Variants in FAT1 observed in about 807,000 individuals in gnomAD.
FAT1 encodes the protein FAT atypical cadherin 1.
FAT1 carries 171 observed loss-of-function variants against 329.8 expected under a neutral mutation model. The ratio of observed to expected loss-of-function variants is 0.52; its 90% CI spans 0.46 to 0.59. The LOEUF is 0.59. Among genes scored for constraint, FAT1 ranks in the 20% least tolerant of loss-of-function variants. The probability of loss-of-function intolerance (pLI) is 0.00; values close to 1 mark genes in which losing one functional copy is unlikely to be tolerated. For missense variants in FAT1, 5,672 were observed against 5,774.4 expected, an observed-to-expected ratio of 0.98 and a Z score of 0.57; for synonymous variants, 2,233 against 2,228.6, an observed-to-expected ratio of 1.00 and a Z score of -0.06.
Position 186,596,559 on chromosome 4 carries a change from G to C in FAT1, c.12981C>G (p.Ser4327Arg), listed in dbSNP as rs933475016. 2.5e-6 allele frequency: 4 copies of C among 1,612,934 alleles called. No homozygotes were observed. Among genetic ancestry groups the C allele is most frequent in the Non-Finnish European group, 1.7e-6 (2 of 1,179,586 alleles). ...TCTTACTGTCATAGTCAAAGTCCCA[G>C]CTAGGCTTCTGGATGGAGTCGCTGT... is the stretch of plus-strand genomic sequence containing the variant. ...PSDSDSIQKP[S>R]WDFDYDTKVV... The change falls in exon 25 of 27, where the codon AGC becomes AGG. Residue 4327 changes from serine to arginine, a missense_variant. Ser to Arg is a moderately radical substitution (Grantham distance 110). Around this residue, in one of 2 missense-constraint regions of FAT1, gnomAD observed 1,706 missense variants for 1,859.1 expected, o/e 0.92. Transcript: ENST00000441802. The surrounding 1 kb of genome is among the most constrained non-coding windows in gnomAD (Gnocchi z 4.7).
At chr4:186,724,825 A>G (rs369472596), upstream of FAT1, among the ~76,000 whole-genome samples, 13 of 152,204 alleles carry the variant, frequency 8.5e-5, 1 homozygote, top group African/African-American at 3.1e-4. This position sits in a 1 kb window ranked among gnomAD's most constrained non-coding sequence, Gnocchi z 5.3. Context: ...TGTGGGACTC[A>G]GGCATTTTAA....
At chr4:186,669,957 C>T (rs1188869364) in intron 2 of FAT1, among the ~76,000 whole-genome samples, 1 of 152,194 alleles carries the variant, frequency 6.6e-6, no homozygotes, top group Non-Finnish European at 1.5e-5. Context: ...TCAGGAAAGG[C>T]CAGCATTCCC....
upstream of FAT1, among the ~76,000 whole-genome samples, chr4:186,726,053 G>C (rs1031789306): frequency 6.6e-6 from 1 of 152,228 alleles, no homozygotes; most frequent in Non-Finnish European, 1.5e-5. Flanking sequence ...CGGCCCCGAT[G>C]CGCCCTCCCT....
chr4:186,619,073 C>T lies in FAT1; in HGVS notation c.7513G>A (p.Ala2505Thr), dbSNP rs770932444. The T allele has an allele frequency of 5.0e-6, 8 of 1,613,966 alleles. No homozygotes were observed. Among genetic ancestry groups the T allele is most frequent in the South Asian group, 1.1e-5 (1 of 91,064 alleles). The change falls in exon 10 of 27, where the codon GCT becomes ACT. Residue 2505 changes from alanine (A) to threonine (T), a missense_variant. Transcript: ENST00000441802. ...NEYEVELAEN[A>T]PLHTLVMEVK... ...TCCATCACCAGGGTATGTAGGGGAG[C>T]GTTTTCAGCTAGTTCCACTTCATAT... is the stretch of plus-strand genomic sequence containing the variant.
intron 26 of FAT1, among the ~76,000 whole-genome samples, chr4:186,591,064 C>T (rs1738218478): frequency 6.6e-6 from 1 of 152,354 alleles, no homozygotes; most frequent in Non-Finnish European, 1.5e-5. Context: ...GGAAGTGTAA[C>T]CAAACGCATG....
In FAT1 at chr4:186,709,332, T is replaced by A. The variant is rs1172132616; in HGVS notation, c.496A>T (p.Thr166Ser). ...GTGGCGCTGACTCTTGCGATACTGGTCCTTATAGCTGTGTTTTCAGGTAAA... is the reference window on the plus strand; with the variant it reads ...GTGGCGCTGACTCTTGCGATACTGGACCTTATAGCTGTGTTTTCAGGTAAA... ...VSLPENTAIR[T>S]SIARVSATDA... The change falls in exon 2 of 27, where the codon ACC becomes TCC. Residue 166 changes from threonine to serine, a missense_variant. Around this residue, in one of 2 missense-constraint regions of FAT1, gnomAD observed 3,966 missense variants for 3,915.2 expected, o/e 1.01. Coordinates refer to ENST00000441802, the MANE Select transcript of FAT1 (RefSeq NM_005245.4). 1 of 1,613,896 alleles carries A rather than the reference T, an allele frequency of 6.2e-7. No individual in the cohort carries two copies. Among genetic ancestry groups the A allele is most frequent in the East Asian group, 2.2e-5 (1 of 44,884 alleles).
intron 2 of FAT1, among the ~76,000 whole-genome samples, chr4:186,671,765 C>T (rs1006259717): frequency 6.6e-6 from 1 of 151,946 alleles, no homozygotes. Context: ...TCTCATAAAT[C>T]GAAACCTTTG....
chr4:186,630,716 A>C, intron 7 of FAT1, among the ~76,000 whole-genome samples: 1 of 151,560 alleles, frequency 6.6e-6, no homozygotes, highest in East Asian at 1.9e-4. Context: ...GATTATCACC[A>C]CCCCCACTTT....
chr4:186,636,797 G>T lies in FAT1; in HGVS notation c.3760C>A (p.Leu1254Ile). 1 of 1,613,974 alleles carries T rather than the reference G, an allele frequency of 6.2e-7. No individual in the cohort carries two copies. Among genetic ancestry groups the T allele is most frequent in the South Asian group, 1.1e-5 (1 of 91,076 alleles). The change falls in exon 5 of 27, where the codon CTC (leucine) becomes ATC (isoleucine). Residue 1254 changes from leucine (L) to isoleucine (I), a missense_variant. Physicochemically the swap from Leu to Ile is conservative, Grantham distance 5. This residue lies in a region of FAT1 where 3,966 missense variants were observed against 3,915.2 expected (regional missense o/e 1.01). Transcript: ENST00000441802. ...CGGTCTGGCTTTTCCCGCTCAGGGA[G>T]TCTGATTTTGTAGAACTTTTGCAGA... ...QFLQKFYKIR[L>I]PEREKPDRER...
intron 3 of FAT1, among the ~76,000 whole-genome samples, chr4:186,648,759 A>AC (rs1741495561): frequency 1.3e-5 from 2 of 151,584 alleles, no homozygotes; most frequent in East Asian, 3.9e-4. Context: ...GTGAATGCCA[A>AC]CCCCCCTTCT....
At chr4:186,725,145 G>A (rs538953902), upstream of FAT1, among the ~76,000 whole-genome samples, 90 of 152,168 alleles carry the variant, frequency 5.9e-4, no homozygotes, top group African/African-American at 2.2e-3. This position sits in a 1 kb window ranked among gnomAD's most constrained non-coding sequence, Gnocchi z 5.4. Context: ...ATCATCCAAA[G>A]ACGTGTTTGT....
intron 3 of FAT1, among the ~76,000 whole-genome samples, chr4:186,651,948 G>C (rs539121971): frequency 6.6e-6 from 1 of 152,282 alleles, no homozygotes; most frequent in South Asian, 2.1e-4. Context: ...ATTAGGCGTG[G>C]AGCCAAAAAT....
In FAT1 at chr4:186,618,053, T is replaced by G; in HGVS notation, c.8533A>C (p.Met2845Leu). The change falls in exon 10 of 27, where the codon ATG becomes CTG. Residue 2845 changes from methionine (M) to leucine (L), a missense_variant. Coordinates refer to ENST00000441802, the MANE Select transcript of FAT1 (RefSeq NM_005245.4). ...DADSGTNGQV[M>L]YSLDQSQSVE... is the part of the protein sequence containing the mutation. ...CTTTGTGACTGATCCAGGCTATACATAACTTGGCCGTTGGTTCCTGAGTCA... is the reference window on the plus strand; with the variant it reads ...CTTTGTGACTGATCCAGGCTATACAGAACTTGGCCGTTGGTTCCTGAGTCA... The G allele has an allele frequency of 5.6e-6, 9 of 1,614,060 alleles. No homozygotes were observed. Among genetic ancestry groups the G allele is most frequent in the Non-Finnish European group, 7.6e-6 (9 of 1,179,902 alleles).
intron 21 of FAT1, among the ~76,000 whole-genome samples, chr4:186,601,033 C>T (rs1345910535): frequency 6.6e-6 from 1 of 152,178 alleles, no homozygotes; most frequent in South Asian, 2.1e-4. Context: ...AATGGGGCAT[C>T]ACCTAGAGTT....
chr4:186,658,261 G>A (rs1458377050), intron 3 of FAT1, among the ~76,000 whole-genome samples: 2 of 152,080 alleles, frequency 1.3e-5, no homozygotes, highest in African/African-American at 2.4e-5. Context: ...AATATAATAA[G>A]AATGTCTGAA....
At chr4:186,717,485 C>A (rs780240230) in intron 1 of FAT1, among the ~76,000 whole-genome samples, 1 of 152,166 alleles carries the variant, frequency 6.6e-6, no homozygotes, top group Admixed American at 6.5e-5. Context: ...GATCAACCAC[C>A]GGTTCCAATT....
chr4:186,658,544 T>G (rs1466871266), intron 3 of FAT1, among the ~76,000 whole-genome samples: 1 of 152,246 alleles, frequency 6.6e-6, no homozygotes, highest in African/African-American at 2.4e-5. Context: ...CAAGGCAGTT[T>G]ATACTGACTC....
chr4:186,687,653 T>C lies in FAT1; in HGVS notation c.3265+18910A>G, dbSNP rs146759190. ...TTTCTGGATGTGGGATGTCAACTGG[T>C]ATAATGCGTATATCTCAAAATCCAA... On this transcript the variant is annotated intron_variant, in intron 2 of 26. Transcript: ENST00000441802. Among the ~76,000 whole-genome samples the C allele has an allele frequency of 2.6e-5, 4 of 152,330 alleles. No homozygotes were observed. In the East Asian group the frequency reaches 7.7e-4, roughly 29 times the overall value.
intron 3 of FAT1, among the ~76,000 whole-genome samples, chr4:186,642,842 C>T (rs755027588): frequency 7.2e-5 from 11 of 152,186 alleles, no homozygotes; most frequent in Non-Finnish European, 1.5e-4. Flanking sequence ...GCGGGCCGAT[C>T]TTCAACCTAG....
Sources: gnomAD v4.1 joint callset for allele counts (sites outside exome capture counted in the v4.1 genomes callset) on GRCh38, gnomAD v4.1.1 for gene constraint, gnomAD v4.1.1 regional missense constraint, Gnocchi (gnomAD v3.1) non-coding constraint, MANE v1.5 for transcripts, NCBI Gene and HGNC (gene_info 2026-07-23, HGNC 2026-07-21) for gene names.